The following PARP4 variants were observed in gnomAD, a reference collection of about 807,000 sequenced individuals.
The protein encoded by PARP4 is poly(ADP-ribose) polymerase family member 4.
PARP4 carries 120 observed loss-of-function variants against 187.7 expected under a neutral mutation model. The observed-to-expected ratio is 0.64, with a 90% CI of 0.55 to 0.74. The LOEUF (loss-of-function observed/expected upper bound fraction) is 0.74, where lower values mean the gene tolerates loss of function less well. Ranked by LOEUF, PARP4 falls within the 30% of genes least tolerant of loss-of-function variation. The probability of loss-of-function intolerance (pLI) is 0.00; values close to 1 mark genes in which losing one functional copy is unlikely to be tolerated. For missense variants in PARP4, 1,836 were observed against 2,070.5 expected, an observed-to-expected ratio of 0.89 and a Z score of 2.20; for synonymous variants, 654 against 740.9, an observed-to-expected ratio of 0.88 and a Z score of 1.90.
intron 31 of PARP4, among the ~76,000 whole-genome samples, chr13:24,432,831 C>T (rs1218790205): frequency 6.6e-6 from 1 of 152,150 alleles, no homozygotes; most frequent in Non-Finnish European, 1.5e-5. Flanking sequence ...TAAGCCTGAG[C>T]TTGGGGATAT....
At chr13:24,448,201 C>T (rs1871309615) in intron 25 of PARP4, among the ~76,000 whole-genome samples, 1 of 152,020 alleles carries the variant, frequency 6.6e-6, no homozygotes, top group Non-Finnish European at 1.5e-5. Context: ...AAAAGTGATA[C>T]TCTGTCTCAA....
At chr13:24,454,945 G>A (rs3818938) in intron 22 of PARP4, 72 bp downstream of exon 22, 483,198 of 1,277,472 alleles carry the variant, frequency 0.38, 92,925 homozygotes, top group Non-Finnish European at 0.39. Context: ...GGTACCCACA[G>A]TTGTCAGCTC....
At chr13:24,512,094 A>G (rs536698160) in intron 1 of PARP4, among the ~76,000 whole-genome samples, 86 of 152,334 alleles carry the variant, frequency 5.6e-4, no homozygotes, top group Middle Eastern at 3.4e-3. Context: ...TCCAGAATTG[A>G]AAGTGCTTGG....
At chr13:24,510,098 C>T (rs1159909194) in intron 1 of PARP4, among the ~76,000 whole-genome samples, 1 of 152,106 alleles carries the variant, frequency 6.6e-6, no homozygotes, top group Non-Finnish European at 1.5e-5. Flanking sequence ...TAGCCAGTTG[C>T]TCTTTACTTT....
At position 24,434,404 on chromosome 13, in the gene PARP4, T is replaced by C; in HGVS notation, c.4737A>G (p.Leu1579=). Residue 1579 remains leucine, a synonymous_variant, in exon 31 of 34, where the codon CTA becomes CTG. Coordinates refer to ENST00000381989, the MANE Select transcript of PARP4 (RefSeq NM_006437.4). ...GAAATAAGACACATACCTCTGTCTG[T>C]AGACTGAGGAGTTCTGTCCAAGGCA... ...DAVPWTELLS[L]QTEDGFWKLT... The C allele has an allele frequency of 6.4e-7, 1 of 1,555,220 alleles. No homozygotes were observed. Among genetic ancestry groups the C allele is most frequent in the Non-Finnish European group, 8.7e-7 (1 of 1,148,686 alleles).
At chr13:24,432,270 A>AGTCACCCTACTGGGTT (rs1870381069) in intron 31 of PARP4, among the ~76,000 whole-genome samples, 2 of 152,192 alleles carry the variant, frequency 1.3e-5, no homozygotes, top group African/African-American at 4.8e-5. Context: ...TGTTAACGAT[A>AGTCACCCTACTGGGTT]GTCACCCTAC....
intron 27 of PARP4, among the ~76,000 whole-genome samples, chr13:24,444,020 A>G (rs1871083895): frequency 6.6e-5 from 10 of 152,160 alleles, no homozygotes; most frequent in Admixed American, 6.5e-4. Flanking sequence ...CTTTTTCTAT[A>G]AAAGGCCATT....
chr13:24,432,651 C>T (rs946694072), intron 31 of PARP4, among the ~76,000 whole-genome samples: 3 of 152,290 alleles, frequency 2.0e-5, no homozygotes, highest in Admixed American at 1.3e-4. Flanking sequence ...AGTAGATCTC[C>T]AGCATGATTC....
chr13:24,441,415 T>G (rs1215340640), intron 30 of PARP4, among the ~76,000 whole-genome samples: 5 of 152,264 alleles, frequency 3.3e-5, no homozygotes, highest in African/African-American at 1.2e-4. Context: ...CAATTTTTAT[T>G]TAAGCCACAT....
At chr13:24,456,760 C>T (rs1396316359) in intron 20 of PARP4, among the ~76,000 whole-genome samples, 6 of 151,872 alleles carry the variant, frequency 4.0e-5, no homozygotes, top group African/African-American at 1.4e-4. Flanking sequence ...ATTAGCTGGG[C>T]GTAATGGTGG....
chr13:24,460,399 G>C (rs866940033), intron 17 of PARP4, among the ~76,000 whole-genome samples: 1 of 151,120 alleles, frequency 6.6e-6, no homozygotes, highest in East Asian at 1.9e-4. Context: ...GGCACTCATG[G>C]ACTCTGCCCC....
intron 17 of PARP4, among the ~76,000 whole-genome samples, chr13:24,462,963 G>A (rs555096817): frequency 4.6e-5 from 7 of 152,196 alleles, no homozygotes; most frequent in African/African-American, 1.4e-4. Context: ...GAGAATGAGG[G>A]AGAAGAAATA....
rs375234959 is a variant in PARP4 at position 24,503,593 on chromosome 13, C to T, written c.132+52G>A. 1.1e-3 allele frequency: 1,765 copies of T among 1,597,198 alleles called. 4 individuals carry two copies. Among genetic ancestry groups the T allele is most frequent in the Non-Finnish European group, 9.3e-4 (1,080 of 1,167,042 alleles). The stretch of plus-strand genomic sequence containing the variant: ...TTCCTCTTCTAACCATGACCCTGTT[C>T]CCTGAATGCGCAATGTTTTATCACA... On this transcript the variant is annotated intron_variant, in intron 2 of 33. Transcript: ENST00000381989.
intron 15 of PARP4, among the ~76,000 whole-genome samples, chr13:24,472,014 CCT>C (rs1566007459): frequency 1.3e-5 from 2 of 152,126 alleles, no homozygotes; most frequent in Non-Finnish European, 2.9e-5. Context: ...AACTCCGGAT[CCT>C]TTGCTTTGTA....
intron 15 of PARP4, among the ~76,000 whole-genome samples, chr13:24,471,664 T>C (rs1261596050): frequency 4.6e-5 from 7 of 152,190 alleles, no homozygotes; most frequent in African/African-American, 9.7e-5. Flanking sequence ...CATCATAAAA[T>C]GAGTGAGAAA....
At chr13:24,455,331 A>G in intron 21 of PARP4, 119 bp from the exon 22 acceptor site, 1 of 579,556 alleles carries the variant, frequency 1.7e-6, no homozygotes, top group Non-Finnish European at 2.8e-6. Flanking sequence ...AACAGAAAGA[A>G]TAAGATGTAA....
Position 24,502,090 on chromosome 13 carries a change from G to T in PARP4, c.133-256C>A, listed in dbSNP as rs181272067. 2.2e-4 allele frequency among the ~76,000 whole-genome samples: 34 copies of T among 152,218 alleles called. 1 individual carries two copies. In the East Asian group the frequency reaches 6.6e-3, roughly 29 times the overall value. ...AGGTTATTTCTAAATTTTCATTATTGTAAACAACGCTGTGATGACTATCCT... is the reference window on the plus strand; with the variant it reads ...AGGTTATTTCTAAATTTTCATTATTTTAAACAACGCTGTGATGACTATCCT... On this transcript the variant is annotated intron_variant, in intron 2 of 33. Transcript: ENST00000381989.
chr13:24,492,613 T>C lies in PARP4; in HGVS notation c.880-19A>G, dbSNP rs751396298. On this transcript the variant is annotated intron_variant, in intron 8 of 33. Transcript: ENST00000381989. The stretch of plus-strand genomic sequence containing the variant: ...TGCTCACCTTTCAACAGATCATATA[T>C]GCTTATTACAATGAAATCTCAATAC... The C allele has an allele frequency of 9.5e-6, 15 of 1,584,684 alleles. No homozygotes were observed. Among genetic ancestry groups the C allele is most frequent in the Non-Finnish European group, 1.2e-5 (14 of 1,161,330 alleles).
intron 25 of PARP4, among the ~76,000 whole-genome samples, chr13:24,448,760 T>C (rs1327247631): frequency 5.9e-5 from 9 of 152,182 alleles, no homozygotes; most frequent in Non-Finnish European, 1.3e-4. Flanking sequence ...ACGTGGTCCA[T>C]CCATGCAATG....
Sources: gnomAD v4.1 joint callset for allele counts (sites outside exome capture counted in the v4.1 genomes callset) on GRCh38, gnomAD v4.1.1 for gene constraint, MANE v1.5 for transcripts, NCBI Gene and HGNC (gene_info 2026-07-23, HGNC 2026-07-21) for gene names.